Variants in ARFGAP3 observed in about 807,000 individuals in gnomAD.
The protein encoded by ARFGAP3 is ARF GTPase activating protein 3, also known as ADP-ribosylation factor GTPase-activating protein 3.
ARFGAP3 carries 72 observed loss-of-function variants against 75.0 expected under a neutral mutation model. The ratio of observed to expected loss-of-function variants is 0.96; its 90% confidence interval spans 0.79 to 1.17. The LOEUF is 1.17. Among genes scored for constraint, ARFGAP3 ranks in the 50% most tolerant of loss-of-function variants. ARFGAP3 has a pLI of 0.00. For missense variants in ARFGAP3, 620 were observed against 626.6 expected, an observed-to-expected ratio of 0.99 and a Z score of 0.11; for synonymous variants, 221 against 217.9, an observed-to-expected ratio of 1.01 and a Z score of -0.13.
At position 42,817,312 on chromosome 22, in the gene ARFGAP3, G is replaced by C; in HGVS notation, c.942-48C>G. The C allele has an allele frequency of 1.9e-6, 3 of 1,544,732 alleles. No individual in the cohort carries two copies. The South Asian group carries it at 3.7e-5, about 19-fold the overall frequency. On this transcript the variant is annotated intron_variant, in intron 10 of 15. Transcript: ENST00000263245. Reference sequence around the variant, plus strand: ...TATATCAGTAAGTTCACAAACTTTTGTTTCACCAAAATAAACAAAGCTTTA... The same window carrying C: ...TATATCAGTAAGTTCACAAACTTTTCTTTCACCAAAATAAACAAAGCTTTA...
Position 42,817,785 on chromosome 22 carries a change from A to G in ARFGAP3, c.885T>C (p.Ser295=), listed in dbSNP as rs1344362000. The G allele has an allele frequency of 1.5e-5, 25 of 1,613,360 alleles. No individual in the cohort carries two copies. The highest frequency in any genetic ancestry group is 2.1e-5 in the Non-Finnish European group (25 of 1,179,762). Residue 295 remains serine (S), a synonymous_variant, in exon 10 of 16, where the codon AGT becomes AGC. Coordinates refer to ENST00000263245, the MANE Select transcript of ARFGAP3 (RefSeq NM_014570.5). The stretch of plus-strand genomic sequence containing the variant: ...TGTCTGAGTCAACATTTTTTTTGCC[A>G]CTAATGTTCATCTTTTCGTCTTTCT... ...QMKKDEKMNI[S]GKKNVDSDRL...
At chr22:42,812,181 T>A in intron 11 of ARFGAP3, among the ~76,000 whole-genome samples, 1 of 124,976 alleles carries the variant, frequency 8.0e-6, no homozygotes, top group East Asian at 2.7e-4. Flanking sequence ...GCCATGATCA[T>A]GCCACTACAC....
chr22:42,832,547 A>C (rs1926343243), intron 5 of ARFGAP3, among the ~76,000 whole-genome samples: 1 of 148,042 alleles, frequency 6.8e-6, no homozygotes, highest in Non-Finnish European at 1.5e-5. Flanking sequence ...AAAAAAAAAA[A>C]CGAAAGAAAA....
intron 5 of ARFGAP3, 136 bp from the exon 6 acceptor site, chr22:42,831,772 T>C: frequency 6.8e-7 from 1 of 1,461,612 alleles, no homozygotes; most frequent in Non-Finnish European, 9.0e-7. Context: ...AAGGCATATC[T>C]ACTTTTTTCT....
At chr22:42,802,584 C>A (rs1924920004) in intron 14 of ARFGAP3, among the ~76,000 whole-genome samples, 1 of 150,308 alleles carries the variant, frequency 6.7e-6, no homozygotes, top group Non-Finnish European at 1.5e-5. Flanking sequence ...AGAGCCACCG[C>A]GCCTGGCCCA....
At position 42,797,595 on chromosome 22, in the gene ARFGAP3, C is replaced by T; in HGVS notation, c.1544G>A (p.Gly515Asp). ...GVVTSIQDRY[G>D]S ...CACATCATGACTTCAGTATTAAGAA[C>T]CGTAGCGATCCTGAAGAGAGAACCA... Residue 515 changes from glycine (G) to aspartate (D), a missense_variant, in exon 16 of 16, where the codon GGT (glycine) becomes GAT (aspartate). Gly to Asp is a moderately conservative substitution (Grantham distance 94, BLOSUM62 -1). Transcript: ENST00000263245. The T allele has an allele frequency of 6.2e-7, 1 of 1,614,088 alleles. No homozygotes were observed. The highest frequency in any genetic ancestry group is 8.5e-7 in the Non-Finnish European group (1 of 1,179,982).
intron 15 of ARFGAP3, among the ~76,000 whole-genome samples, chr22:42,798,179 AC>A (rs546363734): frequency 7.2e-4 from 110 of 152,242 alleles, no homozygotes; most frequent in African/African-American, 2.6e-3. Flanking sequence ...ATGCATTTTA[AC>A]TTCAGTGCCA....
At chr22:42,817,371 G>C in intron 10 of ARFGAP3, 107 bp from the exon 11 acceptor site, 1 of 1,431,870 alleles carries the variant, frequency 7.0e-7, no homozygotes. Context: ...ATGTATTCGA[G>C]GGGTTAAAAA....
chr22:42,802,432 C>G (rs530340282), intron 14 of ARFGAP3, among the ~76,000 whole-genome samples: 4 of 150,340 alleles, frequency 2.7e-5, no homozygotes, highest in Admixed American at 1.3e-4. Context: ...ACTACAGGTG[C>G]CCGCCACCAC....
At chr22:42,821,260 C>T (rs1441678829) in intron 9 of ARFGAP3, among the ~76,000 whole-genome samples, 1 of 152,188 alleles carries the variant, frequency 6.6e-6, no homozygotes, top group Non-Finnish European at 1.5e-5. Flanking sequence ...GTAAAACTCA[C>T]CCTGTTAAAG....
In ARFGAP3 at chr22:42,831,409, C is replaced by T. The variant is rs1001766293; in HGVS notation, c.565+140G>A. 8.6e-6 allele frequency: 6 copies of T among 701,576 alleles called. No individual in the cohort carries two copies. The Admixed American group carries it at 9.4e-5, about 11-fold the overall frequency. The allele number at this position is 701,576 out of a possible 1,614,324, so 43.5% of individuals were successfully genotyped here. ...CTGGTCTCTGACTGCTGGGCTCAGG[C>T]GATCCCCCCGCCTCAGCCTCGCAAA... is the stretch of plus-strand genomic sequence containing the variant. On this transcript the variant is annotated intron_variant, in intron 6 of 15. Transcript: ENST00000263245.
intron 11 of ARFGAP3, among the ~76,000 whole-genome samples, chr22:42,812,962 A>C (rs1230505159): frequency 6.6e-6 from 1 of 152,234 alleles, no homozygotes; most frequent in East Asian, 1.9e-4. Context: ...CCCCTTTCAG[A>C]GAAGAGAGAT....
intron 3 of ARFGAP3, among the ~76,000 whole-genome samples, chr22:42,838,275 C>T (rs868573430): frequency 9.4e-5 from 13 of 137,892 alleles, no homozygotes; most frequent in African/African-American, 2.8e-4. Context: ...TACACACACA[C>T]ATATATATAT....
At chr22:42,822,171 T>TG in intron 9 of ARFGAP3, 99 bp downstream of exon 9, 1 of 901,278 alleles carries the variant, frequency 1.1e-6, no homozygotes, top group Non-Finnish European at 1.7e-6. Context: ...TACCCTCCCT[T>TG]CCCCCCCCAC....
intron 8 of ARFGAP3, among the ~76,000 whole-genome samples, chr22:42,823,122 T>C (rs1158921412): frequency 6.6e-6 from 1 of 152,068 alleles, no homozygotes; most frequent in Non-Finnish European, 1.5e-5. Context: ...TTGTTTTTTT[T>C]TCCCCCCCAA....
chr22:42,806,830 T>C (rs1190077052), intron 14 of ARFGAP3, among the ~76,000 whole-genome samples: 1 of 152,214 alleles, frequency 6.6e-6, no homozygotes, highest in African/African-American at 2.4e-5. Flanking sequence ...AACACTCCTC[T>C]ATGACAGTGT....
chr22:42,822,936 A>C (rs906762137), intron 8 of ARFGAP3, among the ~76,000 whole-genome samples: 4 of 152,022 alleles, frequency 2.6e-5, no homozygotes, highest in African/African-American at 9.7e-5. Flanking sequence ...TAGTATCCCG[A>C]GTAGCTGGGA....
chr22:42,837,923 C>T (rs955026590), intron 3 of ARFGAP3, among the ~76,000 whole-genome samples: 26 of 151,250 alleles, frequency 1.7e-4, no homozygotes, highest in Middle Eastern at 3.4e-3. Context: ...CCTCCTGCCT[C>T]GGCCTCCCAA....
chr22:42,817,398 A>C, intron 10 of ARFGAP3, 134 bp from the exon 11 acceptor site: 1 of 1,253,936 alleles, frequency 8.0e-7, no homozygotes, highest in Non-Finnish European at 1.1e-6. Flanking sequence ...CAATAAAACA[A>C]TTTTTTTTTC....
Sources: allele counts gnomAD v4.1 joint callset (sites outside exome capture counted in the v4.1 genomes callset), GRCh38; gene constraint gnomAD v4.1.1; transcripts MANE v1.5; gene names NCBI Gene and HGNC (gene_info 2026-07-23, HGNC 2026-07-21).